The following TFDP2 variants were observed in gnomAD, a reference collection of about 807,000 sequenced individuals.
TFDP2 encodes the protein transcription factor Dp-2 (E2F dimerization partner 2).
Under a neutral mutation model 59.3 loss-of-function variants are expected in TFDP2, and 17 were observed. The observed-to-expected ratio is 0.29, with a 90% confidence interval of 0.20 to 0.43. TFDP2 has a LOEUF of 0.43. Ranked by LOEUF, TFDP2 falls within the 20% of genes least tolerant of loss-of-function variation. TFDP2 has a pLI of 1.00. For synonymous variants in TFDP2, 180 were observed against 194.7 expected (o/e 0.92, Z 0.63); for missense variants, 391 against 528.8 (o/e 0.74, Z 2.56).
At chr3:141,994,055 T>A (rs1274838599) in intron 5 of TFDP2, among the ~76,000 whole-genome samples, 1 of 152,240 alleles carries the variant, frequency 6.6e-6, no homozygotes, top group Non-Finnish European at 1.5e-5. Flanking sequence ...CATAAGAATG[T>A]TCATAAGGAT....
chr3:142,066,130 C>A (rs1481085384), intron 3 of TFDP2, among the ~76,000 whole-genome samples: 6 of 152,160 alleles, frequency 3.9e-5, no homozygotes, highest in Non-Finnish European at 8.8e-5. Flanking sequence ...TTATTATGGT[C>A]CCTACAGGGA....
intron 3 of TFDP2, among the ~76,000 whole-genome samples, chr3:142,076,280 T>C (rs2060455818): frequency 1.3e-5 from 2 of 152,092 alleles, no homozygotes. Flanking sequence ...GCAATAGGTT[T>C]GGTCCAATAG....
chr3:142,058,927 C>T (rs975748281), intron 3 of TFDP2, among the ~76,000 whole-genome samples: 4 of 152,178 alleles, frequency 2.6e-5, no homozygotes, highest in Non-Finnish European at 4.4e-5. Flanking sequence ...AAGTTTCAAT[C>T]CTTGGTCTTT....
chr3:141,980,665 A>G (rs1258332807), intron 6 of TFDP2, among the ~76,000 whole-genome samples: 2 of 152,074 alleles, frequency 1.3e-5, no homozygotes, highest in East Asian at 3.9e-4. Context: ...CCTCCCGAGT[A>G]GCTGGCATTA....
At chr3:141,984,788 T>A (rs1941898983) in intron 6 of TFDP2, among the ~76,000 whole-genome samples, 1 of 152,232 alleles carries the variant, frequency 6.6e-6, no homozygotes. Flanking sequence ...CCAGTGTATT[T>A]CTGCAAATAA....
At chr3:142,034,215 C>T (rs545356460) in intron 3 of TFDP2, among the ~76,000 whole-genome samples, 58 of 151,928 alleles carry the variant, frequency 3.8e-4, no homozygotes, top group African/African-American at 1.4e-3. Flanking sequence ...CCCGCCTCAG[C>T]CTCCAGAGTA....
chr3:142,039,244 G>C (rs1258489442), intron 3 of TFDP2, among the ~76,000 whole-genome samples: 1 of 152,080 alleles, frequency 6.6e-6, no homozygotes, highest in Non-Finnish European at 1.5e-5. Flanking sequence ...CCATTCTGCT[G>C]CCCTATTTTT....
intron 1 of TFDP2, among the ~76,000 whole-genome samples, chr3:142,103,187 G>A (rs565419033): frequency 3.3e-5 from 5 of 152,016 alleles, no homozygotes; most frequent in African/African-American, 1.2e-4. Flanking sequence ...GTAGTGAGCC[G>A]AGAACGCGCC....
chr3:141,985,682 T>C (rs542849322), intron 6 of TFDP2, among the ~76,000 whole-genome samples: 1 of 152,238 alleles, frequency 6.6e-6, no homozygotes, highest in Admixed American at 6.5e-5. Flanking sequence ...ACGTAGGTGT[T>C]AAGTCTTTGT....
intron 9 of TFDP2, among the ~76,000 whole-genome samples, chr3:141,966,598 T>C (rs1938109799): frequency 6.6e-6 from 1 of 151,864 alleles, no homozygotes; most frequent in Non-Finnish European, 1.5e-5. Flanking sequence ...TGATTTCCTT[T>C]GGCCTTTTGT....
chr3:142,144,580 T>G (rs531560078), intron 1 of TFDP2, among the ~76,000 whole-genome samples: 19 of 152,310 alleles, frequency 1.2e-4, no homozygotes, highest in African/African-American at 4.3e-4. Flanking sequence ...CTCACTCTGT[T>G]GCCCAGGCTG....
At chr3:141,960,001 G>C (rs1461442722) in intron 10 of TFDP2, among the ~76,000 whole-genome samples, 161 bp from the exon 11 acceptor site, 1 of 152,100 alleles carries the variant, frequency 6.6e-6, no homozygotes, top group African/African-American at 2.4e-5. Flanking sequence ...TCTGTCAGGG[G>C]AATGACATCT....
intron 9 of TFDP2, among the ~76,000 whole-genome samples, chr3:141,968,409 T>C (rs1281636612): frequency 1.8e-5 from 2 of 113,676 alleles, no homozygotes; most frequent in Non-Finnish European, 3.4e-5. Flanking sequence ...ATATCATATA[T>C]ATAACATATA....
intron 7 of TFDP2, among the ~76,000 whole-genome samples, chr3:141,977,449 G>A (rs1940868920): frequency 6.7e-6 from 1 of 149,334 alleles, no homozygotes; most frequent in African/African-American, 2.5e-5. Flanking sequence ...TTTTTCTGTA[G>A]AGGCAGAGCC....
At chr3:142,042,468 T>C (rs1445300086) in intron 3 of TFDP2, among the ~76,000 whole-genome samples, 1 of 151,590 alleles carries the variant, frequency 6.6e-6, no homozygotes, top group Non-Finnish European at 1.5e-5. Context: ...ATTTTTGTAC[T>C]TTTGTACTTT....
intron 1 of TFDP2, among the ~76,000 whole-genome samples, chr3:142,102,556 T>G (rs2061346255): frequency 6.6e-6 from 1 of 152,170 alleles, no homozygotes; most frequent in Non-Finnish European, 1.5e-5. Flanking sequence ...AAAGAATAAT[T>G]AATACACAGT....
chr3:142,149,038 C>G, intron 1 of TFDP2, 145 bp downstream of exon 1: 1 of 392,394 alleles, frequency 2.5e-6, no homozygotes, highest in Non-Finnish European at 4.5e-6. Flanking sequence ...CCGGCCAGGC[C>G]TGGAGAACCC....
intron 1 of TFDP2, among the ~76,000 whole-genome samples, chr3:142,130,313 T>C (rs976468059): frequency 6.6e-6 from 1 of 152,022 alleles, no homozygotes; most frequent in African/African-American, 2.4e-5. Flanking sequence ...TGTGAGGACA[T>C]TATGCAAAGT....
intron 9 of TFDP2, among the ~76,000 whole-genome samples, chr3:141,966,647 A>C (rs1303999399): frequency 6.6e-6 from 1 of 151,714 alleles, no homozygotes; most frequent in Admixed American, 6.6e-5. Context: ...CAGAGGCTGA[A>C]CAGCTTTAAG....
Sources: allele counts gnomAD v4.1 joint callset (sites outside exome capture counted in the v4.1 genomes callset), GRCh38; gene constraint gnomAD v4.1.1; transcripts MANE v1.5; gene names NCBI Gene and HGNC (gene_info 2026-07-23, HGNC 2026-07-21).